Variants in GPSM1 observed in about 807,000 individuals in gnomAD.
The protein encoded by GPSM1 is G protein-signaling modulator 1.
Under a neutral mutation model 70.5 loss-of-function variants are expected in GPSM1, and 48 were observed. The ratio of observed to expected loss-of-function variants is 0.68; its 90% CI spans 0.54 to 0.87. The LOEUF (loss-of-function observed/expected upper bound fraction) is 0.87, where lower values mean the gene tolerates loss of function less well. GPSM1 is among the 40% of genes least tolerant of loss of function. GPSM1 has a pLI of 0.00. For synonymous variants in GPSM1, 416 were observed against 430.1 expected, an observed-to-expected ratio of 0.97 and a Z score of 0.41; for missense variants, 981 against 972.6, an observed-to-expected ratio of 1.01 and a Z score of -0.11.
chr9:136,348,879 T>A, intron 10 of GPSM1, 112 bp downstream of exon 10: 1 of 795,290 alleles, frequency 1.3e-6, no homozygotes, highest in Non-Finnish European at 2.1e-6. Flanking sequence ...TGCTGGGAGA[T>A]AAATGTGCCC....
At chr9:136,357,557 G>A (rs1448969178) in intron 13 of GPSM1, among the ~76,000 whole-genome samples, 1 of 152,246 alleles carries the variant, frequency 6.6e-6, no homozygotes, top group Admixed American at 6.5e-5. Context: ...GGAAGCCCTG[G>A]GGGGCGCCAC....
intron 1 of GPSM1, among the ~76,000 whole-genome samples, chr9:136,331,176 G>A (rs1254774652): frequency 6.6e-6 from 1 of 152,202 alleles, no homozygotes; most frequent in Non-Finnish European, 1.5e-5. Flanking sequence ...GAAGTTTGAG[G>A]AAAGGAGCCA....
chr9:136,339,278 T>C (rs963271157), intron 7 of GPSM1, among the ~76,000 whole-genome samples: 1 of 152,230 alleles, frequency 6.6e-6, no homozygotes. Flanking sequence ...CAAATTCCTG[T>C]TAGACGCATT....
Position 136,358,164 on chromosome 9 carries a change from CA to C in GPSM1, c.1973del (p.Gln658ArgfsTer131). 6.3e-7 allele frequency: 1 copy of C among 1,590,562 alleles called. No homozygotes were observed. The highest frequency in any genetic ancestry group is 8.5e-7 in the Non-Finnish European group (1 of 1,169,988). On this transcript the variant is annotated frameshift_variant, in exon 14 of 14. Transcript: ENST00000440944. LOFTEE classifies it high-confidence loss of function. ...QRVDLAGGPE[Q>X]GAGGPPEPQQ... ...GGTGGACCTCGCCGGGGGCCCGGAG[CA>C]GGGGGCAGGCGGCCCGCCCGAGCCC...
intron 12 of GPSM1, among the ~76,000 whole-genome samples, chr9:136,356,110 C>G (rs573322275): frequency 6.9e-6 from 1 of 144,800 alleles, no homozygotes; most frequent in African/African-American, 2.4e-5. Context: ...CGTTCTCCTC[C>G]TGTCTCCTCC....
chr9:136,357,728 G>A (rs1832872538), intron 13 of GPSM1, among the ~76,000 whole-genome samples: 2 of 152,202 alleles, frequency 1.3e-5, no homozygotes, highest in Admixed American at 6.5e-5. Flanking sequence ...CTGTCTCCTG[G>A]GCCTGGCACA....
chr9:136,331,293 C>T (rs1832092357), intron 1 of GPSM1, among the ~76,000 whole-genome samples: 1 of 151,850 alleles, frequency 6.6e-6, no homozygotes, highest in East Asian at 1.9e-4. Flanking sequence ...CCTGTTCGCA[C>T]CTTGGCCAGT....
intron 13 of GPSM1, among the ~76,000 whole-genome samples, chr9:136,357,474 A>G (rs1157244944): frequency 1.3e-5 from 2 of 152,212 alleles, no homozygotes; most frequent in African/African-American, 4.8e-5. Flanking sequence ...AGAGAAGCCC[A>G]GACAACCCCT....
At chr9:136,348,464 C>T (rs533292318) in intron 9 of GPSM1, among the ~76,000 whole-genome samples, 14 of 152,360 alleles carry the variant, frequency 9.2e-5, no homozygotes, top group Non-Finnish European at 1.9e-4. Context: ...AGCCAGACCC[C>T]ACCTGGCCCC....
rs1832691107 is a variant in GPSM1 at position 136,352,262 on chromosome 9, CGCCGTTGCTGTTGGTG to C, written c.1455+2500_1455+2515del. On this transcript the variant is annotated intron_variant, in intron 11 of 13. Coordinates refer to ENST00000440944, the MANE Select transcript of GPSM1 (RefSeq NM_001145638.3). ...GTTGCTGTTGGTGACACCGATGCTG[CGCCGTTGCTGTTGGTG>C]ACACCGATGCTGCGCCGTTGCTGTT... is the stretch of plus-strand genomic sequence containing the variant. 2.6e-5 allele frequency among the ~76,000 whole-genome samples: 3 copies of C among 113,618 alleles called. 1 individual carries two copies. The highest frequency in any genetic ancestry group is 5.5e-5 in the Non-Finnish European group (3 of 54,442). 74.5% of individuals were successfully genotyped at this position (113,618 alleles called of 152,430 possible). A position where few individuals can be genotyped will look rare whatever the true frequency, so the allele number is the denominator to read the frequency against.
chr9:136,350,857 T>C (rs1554771955), intron 11 of GPSM1, among the ~76,000 whole-genome samples: 1 of 151,584 alleles, frequency 6.6e-6, no homozygotes, highest in Non-Finnish European at 1.5e-5. Context: ...AGTGTATGGG[T>C]GGACGGACGG....
intron 2 of GPSM1, 113 bp from the exon 3 acceptor site, chr9:136,335,853 C>T (rs1295282457): frequency 3.7e-6 from 4 of 1,091,482 alleles, no homozygotes; most frequent in Admixed American, 2.3e-5. Context: ...GGCTCCTGTC[C>T]ACTCCATGCT....
chr9:136,338,087 G>A (rs1832293081), intron 6 of GPSM1, 126 bp downstream of exon 6: 3 of 669,806 alleles, frequency 4.5e-6, no homozygotes, highest in Non-Finnish European at 7.7e-6. Flanking sequence ...AGGCAAGGTG[G>A]GGTTCTAGGC....
chr9:136,340,765 T>C lies in GPSM1; in HGVS notation c.1084-105T>C, dbSNP rs1554770060. The C allele has an allele frequency of 2.1e-6, 3 of 1,439,926 alleles. No homozygotes were observed. 89.2% of individuals were successfully genotyped at this position (1,439,926 alleles called of 1,614,324 possible). A position where few individuals can be genotyped will look rare whatever the true frequency, so the allele number is the denominator to read the frequency against. The stretch of plus-strand genomic sequence containing the variant: ...GGGGTCAGTGACCAGTTCAGGTCAC[T>C]CAGAAGGTCAGGGACGGGTGTACTG... On this transcript the variant is annotated intron_variant, in intron 8 of 13. Coordinates refer to ENST00000440944, the MANE Select transcript of GPSM1 (RefSeq NM_001145638.3). This position sits in a 1 kb window ranked among gnomAD's most constrained non-coding sequence, Gnocchi z 7.3.
intron 11 of GPSM1, among the ~76,000 whole-genome samples, chr9:136,351,932 G>A (rs77633283): frequency 0.11 from 16,934 of 150,616 alleles, 1,021 homozygotes; most frequent in East Asian, 0.16. Flanking sequence ...AGGGTGGGTG[G>A]GGGATACATC....
chr9:136,356,432 C>G lies in GPSM1; in HGVS notation c.1703C>G (p.Ala568Gly). 6.2e-7 allele frequency: 1 copy of G among 1,610,882 alleles called. No homozygotes were observed. The highest frequency in any genetic ancestry group is 8.5e-7 in the Non-Finnish European group (1 of 1,178,782). The change falls in exon 13 of 14, where the codon GCC becomes GGC. Residue 568 changes from alanine (A) to glycine (G), a missense_variant. By Grantham distance (60) the Ala-to-Gly change is moderately conservative (BLOSUM62 0). Coordinates refer to ENST00000440944, the MANE Select transcript of GPSM1 (RefSeq NM_001145638.3). ...SQSRRLDDQRASVGSLPGLRI... is the reference protein window; with the variant it reads ...SQSRRLDDQRGSVGSLPGLRI... ...AGCCGCCGGCTGGACGACCAGCGGGCCAGCGTGGGCAGCCTGCCGGGGCTG... is the reference window on the plus strand; with the variant it reads ...AGCCGCCGGCTGGACGACCAGCGGGGCAGCGTGGGCAGCCTGCCGGGGCTG...
intron 11 of GPSM1, chr9:136,354,928 G>A: frequency 1.9e-6 from 2 of 1,028,412 alleles, no homozygotes; most frequent in South Asian, 3.2e-5. Flanking sequence ...GCCAAGGCTG[G>A]GGAGGCTGGC....
chr9:136,358,487 C>G lies in GPSM1; in HGVS notation c.*267C>G. 1.8e-6 allele frequency: 1 copy of G among 549,056 alleles called. No homozygotes were observed. The highest frequency in any genetic ancestry group is 3.2e-6 in the Non-Finnish European group (1 of 314,626). The allele number at this position is 549,056 out of a possible 1,614,324, so 34.0% of individuals were successfully genotyped here. On this transcript the variant is annotated 3_prime_UTR_variant, in exon 14 of 14. Transcript: ENST00000440944. The stretch of plus-strand genomic sequence containing the variant: ...GGGGCCTTCGGCATGTCGGCCCCGA[C>G]CTGGTGCTGTCAGACTCCCGCATCC...
intron 11 of GPSM1, among the ~76,000 whole-genome samples, chr9:136,351,712 G>A (rs1427912288): frequency 6.6e-6 from 1 of 152,214 alleles, no homozygotes; most frequent in East Asian, 1.9e-4. Context: ...TGCTCCCCTG[G>A]CCCCTGCAAC....
Sources: allele counts gnomAD v4.1 joint callset (sites outside exome capture counted in the v4.1 genomes callset), GRCh38; gene constraint gnomAD v4.1.1; non-coding constraint Gnocchi (gnomAD v3.1); transcripts MANE v1.5; gene names NCBI Gene and HGNC (gene_info 2026-07-23, HGNC 2026-07-21).